Variants in RGS3 observed in about 807,000 individuals in gnomAD.
RGS3 encodes regulator of G-protein signalling 3.
RGS3 carries 80 observed loss-of-function variants against 132.6 expected under a neutral mutation model. The ratio of observed to expected loss-of-function variants is 0.60; its 90% CI spans 0.50 to 0.73. The LOEUF is 0.73. Among genes scored for constraint, RGS3 ranks in the 30% least tolerant of loss-of-function variants. The pLI is 0.00. For missense variants in RGS3, 1,382 were observed against 1,530.8 expected, an observed-to-expected ratio of 0.90 and a Z score of 1.62; for synonymous variants, 598 against 620.6, an observed-to-expected ratio of 0.96 and a Z score of 0.54.
At position 113,476,103 on chromosome 9, in the gene RGS3, A is replaced by G. The variant is rs1402030470; in HGVS notation, c.416-3388A>G. On this transcript the variant is annotated intron_variant, in intron 3 of 24. Coordinates refer to ENST00000350696, the Ensembl canonical transcript of RGS3. The stretch of plus-strand genomic sequence containing the variant: ...TAGGATGTGCCACTATGCTCAGCTA[A>G]CCTCTTGGTTTCTTGAGAAAAGCTG... Among the ~76,000 whole-genome samples the G allele has an allele frequency of 2.0e-5, 3 of 152,034 alleles. No individual in the cohort carries two copies. The East Asian group carries it at 5.8e-4, about 29-fold the overall frequency.
At chr9:113,468,260 G>GT (rs1163077330) in intron 3 of RGS3, among the ~76,000 whole-genome samples, 5 of 152,104 alleles carry the variant, frequency 3.3e-5, no homozygotes, top group African/African-American at 9.7e-5. Flanking sequence ...CAACTTCATT[G>GT]TTTTTTGTGG....
intron 11 of RGS3, among the ~76,000 whole-genome samples, chr9:113,505,905 T>G (rs181659453): frequency 6.6e-6 from 1 of 152,272 alleles, no homozygotes; most frequent in East Asian, 1.9e-4. Context: ...TTCCCTACTT[T>G]TCACAAATGA....
chr9:113,543,994 C>G (rs533871084), intron 19 of RGS3, among the ~76,000 whole-genome samples: 12 of 152,342 alleles, frequency 7.9e-5, no homozygotes, highest in African/African-American at 2.9e-4. Flanking sequence ...CTGATGGCCA[C>G]TGCTGTCCAG....
At chr9:113,524,696 G>A (rs537129355) in intron 17 of RGS3, among the ~76,000 whole-genome samples, 102 of 152,354 alleles carry the variant, frequency 6.7e-4, no homozygotes, top group Middle Eastern at 6.8e-3. Flanking sequence ...TGGGAACTAA[G>A]GGTGGGGCCA....
chr9:113,454,238 CT>C (rs1194026663), intron 1 of RGS3, among the ~76,000 whole-genome samples: 1 of 152,094 alleles, frequency 6.6e-6, no homozygotes, highest in Non-Finnish European at 1.5e-5. Flanking sequence ...CAAATTTTGC[CT>C]TTTTGGGTTC....
Position 113,595,061 on chromosome 9 carries a change from G to A in RGS3, c.3244+81G>A. ...CCCATCCAGACCCTGTGTAGCTGGT[G>A]CTAGAGAGGCCGCCTTCCCTCTCCT... On this transcript the variant is annotated intron_variant, in intron 23 of 24. Coordinates refer to ENST00000350696, the Ensembl canonical transcript of RGS3. 4.4e-6 allele frequency: 6 copies of A among 1,357,942 alleles called. No individual in the cohort carries two copies. The Admixed American group carries it at 1.0e-4, about 24-fold the overall frequency. The allele number at this position is 1,357,942 out of a possible 1,614,324, so 84.1% of individuals were successfully genotyped here. A position where few individuals can be genotyped will look rare whatever the true frequency, so the allele number is the denominator to read the frequency against.
At chr9:113,594,297 C>G in intron 21 of RGS3, 133 bp from the exon 20 acceptor site, 1 of 1,597,116 alleles carries the variant, frequency 6.3e-7, no homozygotes, top group Non-Finnish European at 8.5e-7. Flanking sequence ...GCATGTACCT[C>G]ACTCGCAACG....
At chr9:113,458,091 C>T (rs781522504), upstream of RGS3, among the ~76,000 whole-genome samples, 3 of 152,154 alleles carry the variant, frequency 2.0e-5, no homozygotes, top group Non-Finnish European at 4.4e-5. Context: ...TATGCATGAT[C>T]GAGTCAGTAG....
At chr9:113,524,625 C>CTGCTG (rs1278001137) in intron 17 of RGS3, among the ~76,000 whole-genome samples, 1 of 152,200 alleles carries the variant, frequency 6.6e-6, no homozygotes, top group Non-Finnish European at 1.5e-5. Flanking sequence ...GGGCGTGGTA[C>CTGCTG]TGCTGTGCTG....
At chr9:113,515,348 T>C (rs568043220) in intron 15 of RGS3, among the ~76,000 whole-genome samples, 4 of 151,728 alleles carry the variant, frequency 2.6e-5, no homozygotes, top group Non-Finnish European at 5.9e-5. Flanking sequence ...TAACCTTTAT[T>C]GGGCCAGGTG....
intron 16 of RGS3, among the ~76,000 whole-genome samples, chr9:113,520,564 T>G (rs1366944107): frequency 6.8e-6 from 1 of 147,784 alleles, no homozygotes; most frequent in African/African-American, 2.5e-5. Context: ...TTTTTTTTTT[T>G]AAACTTTCTA....
At chr9:113,491,992 T>A (rs534882464) in intron 7 of RGS3, among the ~76,000 whole-genome samples, 1 of 152,336 alleles carries the variant, frequency 6.6e-6, no homozygotes, top group South Asian at 2.1e-4. Context: ...CCAAGTACAG[T>A]GGCCTAACGT....
At chr9:113,595,789 C>G (rs575681786) in intron 24 of RGS3, 24 bp downstream of exon 22, 2 of 1,607,360 alleles carry the variant, frequency 1.2e-6, no homozygotes, top group African/African-American at 1.3e-5. Context: ...GCAGACCCTC[C>G]GCTCCTCCAA....
rs1830095120 is a variant in RGS3 at position 113,479,545 on chromosome 9, A to AGTAC, written c.466+6_466+9dup. 1 of 1,613,726 alleles carries AGTAC rather than the reference A, an allele frequency of 6.2e-7. No individual in the cohort carries two copies. The highest frequency in any genetic ancestry group is 8.5e-7 in the Non-Finnish European group (1 of 1,179,944). On this transcript the variant is annotated splice_donor_region_variant and intron_variant, in intron 4 of 24. Transcript: ENST00000350696. ...GACCGGGTTCTGCTGCTTCACAGTG[A>AGTAC]GTACGGCTTTGTGCAGGCTCACCAA...
At chr9:113,575,600 G>A (rs1424019918) in intron 19 of RGS3, among the ~76,000 whole-genome samples, 2 of 152,166 alleles carry the variant, frequency 1.3e-5, no homozygotes, top group African/African-American at 2.4e-5. Context: ...GGTCCTGGGC[G>A]AGGTTCTGGG....
At chr9:113,551,308 TC>T (rs1294034703) in intron 19 of RGS3, among the ~76,000 whole-genome samples, 1 of 152,258 alleles carries the variant, frequency 6.6e-6, no homozygotes, top group Admixed American at 6.5e-5. Context: ...AGCAACTAAT[TC>T]CTTTTCATGG....
chr9:113,594,135 C>T lies in RGS3; in HGVS notation c.3081-295C>T, dbSNP rs757665872. On this transcript the variant is annotated intron_variant, in intron 21 of 24. Coordinates refer to ENST00000350696, the Ensembl canonical transcript of RGS3. ...GGCTTGTGCCTGGGAGTCCAGTCATCAGGCCAGGATTCCAGAGAGCGTGTG... is the reference window on the plus strand; with the variant it reads ...GGCTTGTGCCTGGGAGTCCAGTCATTAGGCCAGGATTCCAGAGAGCGTGTG... 2.3e-5 allele frequency: 37 copies of T among 1,613,188 alleles called. 1 individual carries two copies. The South Asian group carries it at 3.5e-4, about 15-fold the overall frequency.
At chr9:113,557,179 A>T (rs973123558) in intron 19 of RGS3, among the ~76,000 whole-genome samples, 22 of 152,220 alleles carry the variant, frequency 1.4e-4, no homozygotes, top group African/African-American at 5.3e-4. Flanking sequence ...AATGGAATTT[A>T]CTGGGTTAGG....
At chr9:113,553,452 AAAAAAAAAT>A (rs1321075243) in intron 19 of RGS3, among the ~76,000 whole-genome samples, 3 of 108,794 alleles carry the variant, frequency 2.8e-5, no homozygotes, top group Non-Finnish European at 5.5e-5. Flanking sequence ...AAAAAAAAAA[AAAAAAAAAT>A]ATATATATAT....
Sources: allele counts gnomAD v4.1 joint callset (sites outside exome capture counted in the v4.1 genomes callset), GRCh38; gene constraint gnomAD v4.1.1; transcripts MANE v1.5; gene names NCBI Gene and HGNC (gene_info 2026-07-23, HGNC 2026-07-21).